The following FAM186B variants were observed in gnomAD, a reference collection of about 807,000 sequenced individuals.
The protein encoded by FAM186B is family with sequence similarity 186 member B, also known as protein FAM186B.
In FAM186B, 68 loss-of-function variants were observed where a neutral mutation model predicts 83.4. The ratio of observed to expected loss-of-function variants is 0.81; its 90% CI spans 0.67 to 1.00. FAM186B has a LOEUF of 1.00. Ranked by LOEUF, FAM186B falls within the 50% of genes least tolerant of loss-of-function variation. The pLI, the probability that FAM186B is intolerant of heterozygous loss-of-function variation, is 0.00. For synonymous variants in FAM186B, 389 were observed against 422.0 expected (o/e 0.92, Z 0.96); for missense variants, 983 against 1,099.2 (o/e 0.89, Z 1.49).
chr12:49,600,279 T>TGGAGTCCTCCCTTCTGGAA lies in FAM186B; in HGVS notation c.1342_1360dup (p.Gln454LeufsTer9), dbSNP rs765961356. The TGGAGTCCTCCCTTCTGGAA allele has an allele frequency of 1.8e-5, 29 of 1,614,204 alleles. No individual in the cohort carries two copies. In the Middle Eastern group the frequency reaches 6.6e-4, roughly 37 times the overall value. Reference sequence around the variant, plus strand: ...CTGCTTGCTACAGTGGAACTTAATTTGGAGTCCTCCCTTCTGGAAGTAGTC... The same window carrying TGGAGTCCTCCCTTCTGGAA: ...CTGCTTGCTACAGTGGAACTTAATTTGGAGTCCTCCCTTCTGGAAGGAGTCCTCCCTTCTGGAAGTAGTC... On this transcript the variant is annotated frameshift_variant, in exon 4 of 7. Transcript: ENST00000257894. LOFTEE classifies it high-confidence loss of function. The surrounding 1 kb of genome is among the most constrained non-coding windows in gnomAD (Gnocchi z 4.3).
intron 5 of FAM186B, among the ~76,000 whole-genome samples, chr12:49,591,021 C>G (rs375312229): frequency 2.9e-4 from 44 of 152,002 alleles, no homozygotes; most frequent in African/African-American, 1.1e-3. Flanking sequence ...GTAGGCCAAA[C>G]AGAATAGATG....
intron 5 of FAM186B, among the ~76,000 whole-genome samples, chr12:49,598,198 A>G (rs1464049635): frequency 6.6e-6 from 1 of 152,182 alleles, no homozygotes; most frequent in Non-Finnish European, 1.5e-5. Flanking sequence ...CAGTGACTTA[A>G]CCTCCCATGC....
chr12:49,601,255 G>T, intron 3 of FAM186B, 121 bp from the exon 4 acceptor site: 1 of 1,350,146 alleles, frequency 7.4e-7, no homozygotes, highest in South Asian at 1.6e-5. Flanking sequence ...AGAGTAGGGA[G>T]CTGGGGCTGT....
intron 1 of FAM186B, 152 bp downstream of exon 1, chr12:49,605,230 T>A: frequency 1.9e-5 from 28 of 1,475,360 alleles, no homozygotes; most frequent in Non-Finnish European, 2.4e-5. Context: ...AGGAGAGAGA[T>A]AATTTATACT....
chr12:49,611,492 T>G, the FAM186B span, among the ~76,000 whole-genome samples: 3 of 150,636 alleles, frequency 2.0e-5, no homozygotes, highest in Admixed American at 6.6e-5. Context: ...AGGCTGAGAT[T>G]GCAGTGAATT....
At chr12:49,603,443 G>C in intron 2 of FAM186B, 76 bp from the exon 3 acceptor site, 1 of 1,436,930 alleles carries the variant, frequency 7.0e-7, no homozygotes. Context: ...ATAGCACAGG[G>C]GTTCCAGCAG....
At chr12:49,620,570 A>G in the FAM186B span, among the ~76,000 whole-genome samples, 2 of 152,200 alleles carry the variant, frequency 1.3e-5, no homozygotes, top group Non-Finnish European at 1.5e-5. Context: ...CTGAAAGTAT[A>G]TATGTGTATG....
downstream of FAM186B, chr12:49,587,466 C>T: frequency 8.2e-7 from 1 of 1,217,628 alleles, no homozygotes; most frequent in Non-Finnish European, 1.2e-6. Context: ...CCAGGTTAGC[C>T]TCTCTCTATC....
Position 49,599,920 on chromosome 12 carries a change from G to C in FAM186B, c.1720C>G (p.Leu574Val). 6.2e-7 allele frequency: 1 copy of C among 1,613,552 alleles called. No homozygotes were observed. The highest frequency in any genetic ancestry group is 1.1e-5 in the South Asian group (1 of 90,964). Reference protein sequence around the residue: ...SRWRDLEKAELSLVPAPSRTQ... With the variant: ...SRWRDLEKAEVSLVPAPSRTQ... The stretch of plus-strand genomic sequence containing the variant: ...CGGCTTGGGGCAGGCACTAATGATA[G>C]CTCTGCCTTCTCCAAGTCCCTCCAT... Residue 574 changes from leucine (L) to valine (V), a missense_variant, in exon 4 of 7, where the codon CTA (leucine) becomes GTA (valine). Transcript: ENST00000257894.
chr12:49,587,385 A>G, downstream of FAM186B: 1 of 594,858 alleles, frequency 1.7e-6, no homozygotes, highest in Non-Finnish European at 3.0e-6. Context: ...CTGAGACACT[A>G]AGGAAACCCT....
the FAM186B span, among the ~76,000 whole-genome samples, chr12:49,614,150 CA>C: frequency 2.7e-3 from 354 of 131,324 alleles, no homozygotes; most frequent in Middle Eastern, 7.6e-3. Context: ...AACTCTGTCT[CA>C]AAAAAAAAAA....
the FAM186B span, chr12:49,619,680 T>C: frequency 4.4e-6 from 2 of 458,076 alleles, no homozygotes; most frequent in Non-Finnish European, 4.0e-6. Flanking sequence ...TTTTTTTTTT[T>C]TTTTTTTTTT....
At chr12:49,588,648 C>T (rs1434247448) in intron 5 of FAM186B, 25 bp from the exon 6 acceptor site, 1 of 1,541,470 alleles carries the variant, frequency 6.5e-7, no homozygotes, top group South Asian at 1.2e-5. Context: ...AGAGAGGCAT[C>T]AGGGAAACAG....
chr12:49,604,653 T>C, intron 1 of FAM186B, 115 bp from the exon 2 acceptor site: 1 of 735,816 alleles, frequency 1.4e-6, no homozygotes. Flanking sequence ...AGTTTTCTTA[T>C]ATTTAAAGTG....
In FAM186B at chr12:49,599,985, C is replaced by T. The variant is rs1389112498; in HGVS notation, c.1655G>A (p.Gly552Glu). 4 of 1,613,630 alleles carry T rather than the reference C, an allele frequency of 2.5e-6. No individual in the cohort carries two copies. The East Asian group carries it at 6.7e-5, about 27-fold the overall frequency. The change falls in exon 4 of 7, where the codon GGG (glycine) becomes GAG (glutamate). Residue 552 changes from glycine to glutamate, a missense_variant. By Grantham distance (98) the Gly-to-Glu change is moderately conservative. Coordinates refer to ENST00000257894, the MANE Select transcript of FAM186B (RefSeq NM_032130.3). ...ESPRREPEQL[G>E]EDVERRIFTP... ...GAAGATCCTCCTCTCCACATCCTCC[C>T]CTAGCTGCTCTGGCTCTCTCCGTGG...
chr12:49,590,240 A>C (rs1477687903), intron 5 of FAM186B, among the ~76,000 whole-genome samples: 1 of 152,144 alleles, frequency 6.6e-6, no homozygotes, highest in African/African-American at 2.4e-5. Flanking sequence ...TCATTTATCT[A>C]AACAAAGAGA....
At chr12:49,584,495 C>A, downstream of FAM186B, 1 of 702,312 alleles carries the variant, frequency 1.4e-6, no homozygotes, top group Non-Finnish European at 2.6e-6. Context: ...GAGACTGGGG[C>A]TGTCTTGATC....
chr12:49,585,326 C>T (rs1357657804), downstream of FAM186B, among the ~76,000 whole-genome samples: 2 of 152,146 alleles, frequency 1.3e-5, no homozygotes, highest in Admixed American at 6.5e-5. Flanking sequence ...CCTGTACCAG[C>T]GTGTTTTTAG....
chr12:49,583,205 C>A, downstream of FAM186B: 1 of 378,862 alleles, frequency 2.6e-6, no homozygotes, highest in Admixed American at 3.5e-5. Context: ...ATAATATTGT[C>A]AGTTTCATTC....
Sources: allele counts gnomAD v4.1 joint callset (sites outside exome capture counted in the v4.1 genomes callset), GRCh38; gene constraint gnomAD v4.1.1; non-coding constraint Gnocchi (gnomAD v3.1); transcripts MANE v1.5; gene names NCBI Gene and HGNC (gene_info 2026-07-23, HGNC 2026-07-21).